Variants in CCT6A observed in about 807,000 individuals in gnomAD.
CCT6A encodes the protein chaperonin containing TCP1 subunit 6A.
A neutral mutation model predicts 58.6 loss-of-function variants in CCT6A; 6 were observed. That is an observed-to-expected ratio of 0.10 (90% CI 0.06 to 0.20). CCT6A has a LOEUF of 0.20. Among genes scored for constraint, CCT6A ranks in the 10% least tolerant of loss-of-function variants. The pLI, the probability that CCT6A is intolerant of heterozygous loss-of-function variation, is 1.00. For missense variants in CCT6A, 516 were observed against 648.8 expected (o/e 0.80, Z 2.22); for synonymous variants, 245 against 227.8 (o/e 1.08, Z -0.68).
intron 3 of CCT6A, chr7:56,055,398 TC>T: frequency 1.6e-6 from 1 of 630,146 alleles, no homozygotes; most frequent in South Asian, 1.7e-5. Flanking sequence ...GCTTTATAGT[TC>T]CCTTGGCTTT....
chr7:56,054,557 T>C, intron 3 of CCT6A, 54 bp downstream of exon 3: 2 of 1,533,908 alleles, frequency 1.3e-6, no homozygotes, highest in South Asian at 1.2e-5. Context: ...AAGTGTCTGA[T>C]ATTTATACAA....
At chr7:56,058,542 T>C in intron 7 of CCT6A, 21 bp downstream of exon 7, 4 of 1,583,898 alleles carry the variant, frequency 2.5e-6, no homozygotes, top group Non-Finnish European at 3.4e-6. Context: ...AAACTCAATG[T>C]ATAAACTAAA....
At chr7:56,055,897 G>A in intron 4 of CCT6A, 100 bp downstream of exon 4, 1 of 861,226 alleles carries the variant, frequency 1.2e-6, no homozygotes, top group Non-Finnish European at 1.8e-6. Flanking sequence ...ATTACAAGGT[G>A]CTGTGTAGGT....
At chr7:56,059,674 CT>C in intron 9 of CCT6A, 34 bp downstream of exon 9, 1 of 1,017,330 alleles carries the variant, frequency 9.8e-7, no homozygotes, top group Non-Finnish European at 1.6e-6. Context: ...GTAATAGAAC[CT>C]TTTAGCTCGT....
chr7:56,058,245 A>G, intron 6 of CCT6A, 117 bp from the exon 7 acceptor site: 1 of 859,082 alleles, frequency 1.2e-6, no homozygotes, highest in East Asian at 2.6e-5. Context: ...GTCTCTGAAG[A>G]TGCATAAGGG....
At chr7:56,054,331 A>G (rs369085180) in intron 2 of CCT6A, 38 bp from the exon 3 acceptor site, 4 of 1,556,852 alleles carry the variant, frequency 2.6e-6, no homozygotes, top group Non-Finnish European at 3.5e-6. Flanking sequence ...AGACTGCTTC[A>G]TATTGTTTTA....
At chr7:56,056,916 C>CCT (rs1794321696) in intron 5 of CCT6A, among the ~76,000 whole-genome samples, 1 of 151,310 alleles carries the variant, frequency 6.6e-6, no homozygotes, top group Non-Finnish European at 1.5e-5. Context: ...CCTGCCTCAG[C>CCT]CTCCCGAGTA....
Position 56,062,759 on chromosome 7 carries a change from A to G in CCT6A, c.1523+4A>G. The G allele has an allele frequency of 6.2e-7, 1 of 1,603,220 alleles. No individual in the cohort carries two copies. The highest frequency in any genetic ancestry group is 8.5e-7 in the Non-Finnish European group (1 of 1,174,852). On this transcript the variant is annotated splice_donor_region_variant and intron_variant, in intron 13 of 13. Transcript: ENST00000275603. ...AGAAACAGCTTCTTCACTCCTGGTAAGTTTGGGAAAATGAAAACTAAACTG... is the reference window on the plus strand; with the variant it reads ...AGAAACAGCTTCTTCACTCCTGGTAGGTTTGGGAAAATGAAAACTAAACTG...
intron 5 of CCT6A, among the ~76,000 whole-genome samples, 199 bp downstream of exon 5, chr7:56,056,613 T>C (rs1248432795): frequency 6.6e-6 from 1 of 151,276 alleles, no homozygotes; most frequent in Non-Finnish European, 1.5e-5. Flanking sequence ...TCCCAGCTAC[T>C]CGGGAGGCTG....
chr7:56,061,468 C>G (rs533691693), intron 11 of CCT6A, among the ~76,000 whole-genome samples: 3 of 147,772 alleles, frequency 2.0e-5, no homozygotes, highest in Non-Finnish European at 4.5e-5. Flanking sequence ...CTCAGCCTCT[C>G]GAGTAGCTGG....
In CCT6A at chr7:56,051,826, C is replaced by T. The variant is rs1407685574; in HGVS notation, c.-23C>T. 4 of 1,550,700 alleles carry T rather than the reference C, an allele frequency of 2.6e-6. No homozygotes were observed. Among genetic ancestry groups the T allele is most frequent in the Non-Finnish European group, 3.5e-6 (4 of 1,147,892 alleles). On this transcript the variant is annotated 5_prime_UTR_variant, in exon 1 of 14. Transcript: ENST00000275603. ...CGGCTCTGGGCACTCAGCATCGTTT[C>T]CTTTTCCTCCGCTGGAGCAGCTATG...
At chr7:56,054,250 AC>A (rs1454466668) in intron 2 of CCT6A, 118 bp from the exon 3 acceptor site, 1 of 741,634 alleles carries the variant, frequency 1.3e-6, no homozygotes, top group African/African-American at 1.7e-5. Flanking sequence ...TTTGTAGCCA[AC>A]ATTTGGGTAG....
Position 56,052,426 on chromosome 7 carries a change from G to A in CCT6A, c.142G>A (p.Val48Ile). ...TCATTTCTGTCCTTTAAACAGGCTC[G>A]TTTCTGGCGCTGGAGACATCAAACT... The part of the protein sequence containing the change: ...LGPKGTMKML[V>I]SGAGDIKLTK... The change falls in exon 2 of 14, where the codon GTT becomes ATT. Residue 48 changes from valine to isoleucine, a missense_variant. By Grantham distance (29) the Val-to-Ile change is conservative. Around this residue, in one of 3 missense-constraint regions of CCT6A, gnomAD observed 116 missense variants for 184.5 expected, o/e 0.63. Transcript: ENST00000275603. 1 of 1,613,938 alleles carries A rather than the reference G, an allele frequency of 6.2e-7. No homozygotes were observed. The highest frequency in any genetic ancestry group is 8.5e-7 in the Non-Finnish European group (1 of 1,179,778).
In CCT6A at chr7:56,059,548, A is replaced by T; in HGVS notation, c.973A>T (p.Thr325Ser). 1 of 1,586,390 alleles carries T rather than the reference A, an allele frequency of 6.3e-7. No homozygotes were observed. The highest frequency in any genetic ancestry group is 1.1e-5 in the South Asian group (1 of 90,470). The change falls in exon 9 of 14, where the codon ACT (threonine) becomes TCT (serine). Residue 325 changes from threonine to serine, a missense_variant. Physicochemically the swap from Thr to Ser is moderately conservative, Grantham distance 58 (BLOSUM62 1). Around this residue, in one of 3 missense-constraint regions of CCT6A, gnomAD observed 315 missense variants for 389.4 expected, o/e 0.81. Transcript: ENST00000275603. ...TCCCTTAAAATGCTATTTCAGGCTGACTCTTGCTTGTGGTGGGGTAGCCCT... is the reference window on the plus strand; with the variant it reads ...TCCCTTAAAATGCTATTTCAGGCTGTCTCTTGCTTGTGGTGGGGTAGCCCT... ...RAKRRNMERL[T>S]LACGGVALNS...
rs1490303320 is a variant in CCT6A at position 56,060,927 on chromosome 7, T to C, written c.1334T>C (p.Leu445Pro). The change falls in exon 11 of 14, where the codon CTC becomes CCC. Residue 445 changes from leucine to proline, a missense_variant. By Grantham distance (98) the Leu-to-Pro change is moderately conservative (BLOSUM62 -3). Coordinates refer to ENST00000275603, the MANE Select transcript of CCT6A (RefSeq NM_001762.4). Reference protein sequence around the residue: ...LGVQAFADALLIIPKVLAQNS... With the variant: ...LGVQAFADALPIIPKVLAQNS... ...GTCCAAGCATTTGCTGATGCATTGC[T>C]CATTATTCCCAAGGTGTGCATGCTT... is the stretch of plus-strand genomic sequence containing the variant. 2 of 1,610,360 alleles carry C rather than the reference T, an allele frequency of 1.2e-6. No individual in the cohort carries two copies. The highest frequency in any genetic ancestry group is 2.7e-5 in the African/African-American group (2 of 74,736).
chr7:56,058,907 C>T (rs896941674), intron 8 of CCT6A: 1 of 387,778 alleles, frequency 2.6e-6, no homozygotes, highest in African/African-American at 2.1e-5. Context: ...TAGTTACTCC[C>T]CATTTCTCCC....
chr7:56,058,131 A>G, intron 6 of CCT6A, 28 bp downstream of exon 6: 2 of 1,259,748 alleles, frequency 1.6e-6, no homozygotes, highest in South Asian at 1.2e-5. Flanking sequence ...TAACAGTGAA[A>G]TGGAGAAGCT....
At chr7:56,057,901 C>T (rs1243845157) in intron 5 of CCT6A, 92 bp from the exon 6 acceptor site, 12 of 736,016 alleles carry the variant, frequency 1.6e-5, no homozygotes, top group Middle Eastern at 3.9e-4. Context: ...AATGTGACTG[C>T]GTGAAATATC....
intron 10 of CCT6A, 188 bp downstream of exon 10, chr7:56,060,604 A>G (rs781034564): frequency 2.2e-6 from 2 of 926,846 alleles, no homozygotes; most frequent in Admixed American, 1.7e-5. Context: ...AATACAAATA[A>G]ATGAACTAAT....
Sources: allele counts gnomAD v4.1 joint callset (sites outside exome capture counted in the v4.1 genomes callset), GRCh38; gene constraint gnomAD v4.1.1; regional missense constraint gnomAD v4.1.1; transcripts MANE v1.5; gene names NCBI Gene and HGNC (gene_info 2026-07-23, HGNC 2026-07-21).